The following DPP8 variants were observed in gnomAD, a reference collection of about 807,000 sequenced individuals.
DPP8 encodes the protein dipeptidyl peptidase 8.
Under a neutral mutation model 107.5 loss-of-function variants are expected in DPP8, and 31 were observed. The ratio of observed to expected loss-of-function variants is 0.29; its 90% CI spans 0.22 to 0.39. DPP8 has a LOEUF of 0.39. Among genes scored for constraint, DPP8 ranks in the 10% least tolerant of loss-of-function variants. DPP8 has a pLI of 1.00. For missense variants in DPP8, 842 were observed against 1,076.1 expected, an observed-to-expected ratio of 0.78 and a Z score of 3.04; for synonymous variants, 381 against 356.6, an observed-to-expected ratio of 1.07 and a Z score of -0.77.
chr15:65,502,936 G>C (rs1174210597), intron 3 of DPP8: 1 of 152,026 alleles, frequency 6.6e-6, no homozygotes, highest in Admixed American at 6.6e-5. Flanking sequence ...AGAAAGTAAA[G>C]ATCTAAATAA....
At chr15:65,480,833 A>G (rs1343686479) in intron 9 of DPP8, among the ~76,000 whole-genome samples, 1 of 152,198 alleles carries the variant, frequency 6.6e-6, no homozygotes, top group Non-Finnish European at 1.5e-5. Context: ...GCAGTGGTTC[A>G]CACCTGTAAT....
At chr15:65,497,321 C>G (rs902219763) in intron 5 of DPP8, among the ~76,000 whole-genome samples, 2 of 152,122 alleles carry the variant, frequency 1.3e-5, no homozygotes, top group East Asian at 3.9e-4. Context: ...CAGGTTGGAG[C>G]GCAATGGCTC....
intron 4 of DPP8, among the ~76,000 whole-genome samples, chr15:65,499,105 G>GTTTGTGTGTGTGTGTGTATA (rs1555468189): frequency 7.2e-6 from 1 of 138,742 alleles, no homozygotes; most frequent in African/African-American, 2.7e-5. Flanking sequence ...GTGTGTGTGT[G>GTTTGTGTGTGTGTGTGTATA]TATATATAAA....
chr15:65,515,603 A>G (rs888913855), intron 1 of DPP8: 39 of 1,523,742 alleles, frequency 2.6e-5, no homozygotes, highest in South Asian at 1.2e-4. Flanking sequence ...CACAGTGCAT[A>G]TATTTCACTG....
chr15:65,504,671 A>AAAAAG (rs2069726116), intron 3 of DPP8, among the ~76,000 whole-genome samples: 1 of 150,946 alleles, frequency 6.6e-6, no homozygotes, highest in African/African-American at 2.4e-5. Context: ...CCGTCTCAAA[A>AAAAAG]AAAAAAAAAA....
chr15:65,447,045 A>AG (rs768744969), intron 19 of DPP8, 39 bp from the exon 20 acceptor site: 7 of 1,466,162 alleles, frequency 4.8e-6, no homozygotes, highest in South Asian at 1.3e-5. Context: ...AAAAAAAAAA[A>AG]GAATTTAGTA....
In DPP8 at chr15:65,497,865, A is replaced by G. The variant is rs770774987; in HGVS notation, c.714T>C (p.Asn238=). Residue 238 remains asparagine (N), a splice_region_variant and synonymous_variant, in exon 5 of 20, where the codon AAT becomes AAC. Coordinates refer to ENST00000300141, the MANE Select transcript of DPP8 (RefSeq NM_130434.5). ...REERRLTYVH[N]ELANMEEDAR... is the part of the protein sequence containing the mutation. ...TAAATCTGAAGAACTACGCCTTACC[A>G]TTGTGCACATAAGTGAGTCTCCTTT... The G allele has an allele frequency of 7.3e-6, 11 of 1,508,672 alleles. No individual in the cohort carries two copies. The highest frequency in any genetic ancestry group is 2.8e-5 in the South Asian group (2 of 71,864). 93.5% of individuals were successfully genotyped at this position (1,508,672 alleles called of 1,614,324 possible).
At chr15:65,470,482 T>C (rs2065780868) in intron 12 of DPP8, among the ~76,000 whole-genome samples, 1 of 151,544 alleles carries the variant, frequency 6.6e-6, no homozygotes, top group African/African-American at 2.4e-5. Context: ...GGCAGGTGCC[T>C]GTAATCCCAG....
intron 1 of DPP8, among the ~76,000 whole-genome samples, chr15:65,513,510 C>T (rs2071067163): frequency 1.3e-5 from 2 of 152,120 alleles, no homozygotes; most frequent in South Asian, 2.1e-4. Context: ...CCGCGCCCAG[C>T]GTGGTGACTC....
intron 8 of DPP8, among the ~76,000 whole-genome samples, chr15:65,483,271 T>C (rs922440612): frequency 6.6e-6 from 1 of 152,064 alleles, no homozygotes; most frequent in African/African-American, 2.4e-5. Flanking sequence ...ACACCTGTAA[T>C]CCCAGCACTT....
chr15:65,456,147 C>G, intron 16 of DPP8, 78 bp downstream of exon 16: 1 of 1,510,800 alleles, frequency 6.6e-7, no homozygotes, highest in African/African-American at 1.4e-5. Context: ...CCCCAACTCT[C>G]TTTCAAGGGT....
chr15:65,487,672 G>A lies in DPP8; in HGVS notation c.955+18C>T. The A allele has an allele frequency of 6.3e-7, 1 of 1,597,138 alleles. No homozygotes were observed. Among genetic ancestry groups the A allele is most frequent in the Non-Finnish European group, 8.5e-7 (1 of 1,173,514 alleles). On this transcript the variant is annotated intron_variant, in intron 7 of 19. Coordinates refer to ENST00000300141, the MANE Select transcript of DPP8 (RefSeq NM_130434.5). ...AAAGAGGAAATGAGTGAATATAAAT[G>A]CCAATGGAGTACAGTACCTGTTTTA... is the stretch of plus-strand genomic sequence containing the variant.
intron 15 of DPP8, among the ~76,000 whole-genome samples, chr15:65,460,389 G>A (rs936596364): frequency 6.6e-6 from 1 of 152,174 alleles, no homozygotes; most frequent in Non-Finnish European, 1.5e-5. Context: ...GAGGCAGTGA[G>A]CTGAGATCAT....
chr15:65,503,068 G>A (rs1389955032), intron 3 of DPP8, among the ~76,000 whole-genome samples: 1 of 152,082 alleles, frequency 6.6e-6, no homozygotes, highest in Non-Finnish European at 1.5e-5. Context: ...AATTGCAAGA[G>A]ACACAGAATA....
chr15:65,490,200 T>C lies in DPP8; in HGVS notation c.815A>G (p.Lys272Arg). The C allele has an allele frequency of 6.3e-7, 1 of 1,590,144 alleles. No homozygotes were observed. Among genetic ancestry groups the C allele is most frequent in the Non-Finnish European group, 8.6e-7 (1 of 1,158,210 alleles). Reference protein sequence around the residue: ...DRYSGYWWCPKAETTPSGGKI... With the variant: ...DRYSGYWWCPRAETTPSGGKI... Reference sequence around the variant, plus strand: ...TTGAACCCCCTTACTTGTTTCAGCTTTTGGACACCACCAATAGCCAGAATA... The same window carrying C: ...TTGAACCCCCTTACTTGTTTCAGCTCTTGGACACCACCAATAGCCAGAATA... Residue 272 changes from lysine to arginine, a missense_variant, in exon 6 of 20, where the codon AAA (lysine) becomes AGA (arginine). By Grantham distance (26) the Lys-to-Arg change is conservative. Coordinates refer to ENST00000300141, the MANE Select transcript of DPP8 (RefSeq NM_130434.5).
In DPP8 at chr15:65,444,323, G is replaced by C. The variant is rs1425041181; in HGVS notation, c.*2561C>G. 6.6e-6 allele frequency: 1 copy of C among 152,184 alleles called. No individual in the cohort carries two copies. Among genetic ancestry groups the C allele is most frequent in the Admixed American group, 6.6e-5 (1 of 15,264 alleles). The allele number at this position is 152,184 out of a possible 1,614,324, so 9.4% of individuals were successfully genotyped here. On this transcript the variant is annotated 3_prime_UTR_variant, in exon 20 of 20. Coordinates refer to ENST00000300141, the MANE Select transcript of DPP8 (RefSeq NM_130434.5). ...AGTTCCACTACTCTGTAATGCTCAAGTAACTATCCCTCTGGATGGTTGTTC... is the reference window on the plus strand; with the variant it reads ...AGTTCCACTACTCTGTAATGCTCAACTAACTATCCCTCTGGATGGTTGTTC...
chr15:65,486,104 AAAC>A (rs2067401043), intron 7 of DPP8, among the ~76,000 whole-genome samples: 2 of 144,496 alleles, frequency 1.4e-5, no homozygotes, highest in African/African-American at 5.2e-5. Context: ...AAAAAAAAAA[AAAC>A]AACACAAAAA....
At chr15:65,500,846 A>T in intron 3 of DPP8, 67 bp from the exon 4 acceptor site, 1 of 1,163,470 alleles carries the variant, frequency 8.6e-7, no homozygotes, top group South Asian at 1.5e-5. Flanking sequence ...TAGCACTGAA[A>T]TCCTAGAATC....
rs2063467660 is a variant in DPP8 at position 65,445,535 on chromosome 15, C to T, written c.*1349G>A. The T allele has an allele frequency of 6.5e-6, 1 of 152,674 alleles. No individual in the cohort carries two copies. Among genetic ancestry groups the T allele is most frequent in the Non-Finnish European group, 1.5e-5 (1 of 67,852 alleles). 9.5% of individuals were successfully genotyped at this position (152,674 alleles called of 1,614,324 possible). A position where few individuals can be genotyped will look rare whatever the true frequency, so the allele number is the denominator to read the frequency against. On this transcript the variant is annotated 3_prime_UTR_variant, in exon 20 of 20. Coordinates refer to ENST00000300141, the MANE Select transcript of DPP8 (RefSeq NM_130434.5). ...CATGATCATTCAGAAAAACTGTTTA[C>T]AGGCTTTAAACACCAAAAAAAAAAA...
Sources: gnomAD v4.1 joint callset for allele counts (sites outside exome capture counted in the v4.1 genomes callset) on GRCh38, gnomAD v4.1.1 for gene constraint, MANE v1.5 for transcripts, NCBI Gene and HGNC (gene_info 2026-07-23, HGNC 2026-07-21) for gene names.